Variants in MASP2 observed in about 807,000 individuals in gnomAD.
MASP2 encodes the protein MBL associated serine protease 2.
Under a neutral mutation model 57.1 loss-of-function variants are expected in MASP2, and 49 were observed. The observed-to-expected ratio is 0.86, with a 90% CI of 0.68 to 1.09. The LOEUF (loss-of-function observed/expected upper bound fraction) is 1.09. MASP2 is among the 50% of genes least tolerant of loss of function. The pLI, the probability that MASP2 is intolerant of heterozygous loss-of-function variation, is 0.00. For missense variants in MASP2, 900 were observed against 874.8 expected, an observed-to-expected ratio of 1.03 and a Z score of -0.36; for synonymous variants, 379 against 340.8, an observed-to-expected ratio of 1.11 and a Z score of -1.24.
Position 11,027,506 on chromosome 1 carries a change from T to TGG in MASP2, c.1439_1440insCC (p.Ala481GlnfsTer23). 1 of 1,614,190 alleles carries TGG rather than the reference T, an allele frequency of 6.2e-7. No homozygotes were observed. Among genetic ancestry groups the TGG allele is most frequent in the Non-Finnish European group, 8.5e-7 (1 of 1,180,042 alleles). On this transcript the variant is annotated frameshift_variant, in exon 11 of 11. Transcript: ENST00000400897. LOFTEE classifies it low-confidence loss of function (END_TRUNC). ...TTTGCTCATAGACGGCATGAGCAGC[T>TGG]GTTAGGACCCAGTTGTCATATAAAA... is the stretch of plus-strand genomic sequence containing the variant.
At position 11,027,475 on chromosome 1, in the gene MASP2, C is replaced by G. The variant is rs767456657; in HGVS notation, c.1471G>C (p.Asp491His). The change falls in exon 11 of 11, where the codon GAT becomes CAT. Residue 491 changes from aspartate to histidine, a missense_variant. Asp to His is a moderately conservative substitution (Grantham distance 81). Coordinates refer to ENST00000400897, the MANE Select transcript of MASP2 (RefSeq NM_006610.4). ...AAHAVYEQKH[D>H]ASALDIRMGT... ...ATTCGAATGTCCAGGGCGGATGCATCATGTTTTTGCTCATAGACGGCATGA... is the reference window on the plus strand; with the variant it reads ...ATTCGAATGTCCAGGGCGGATGCATGATGTTTTTGCTCATAGACGGCATGA... 3 of 1,614,122 alleles carry G rather than the reference C, an allele frequency of 1.9e-6. No individual in the cohort carries two copies. In the South Asian group the frequency reaches 3.3e-5, roughly 18 times the overall value.
Position 11,037,735 on chromosome 1 carries a change from G to T in MASP2, c.966C>A (p.Asp322Glu). 3 of 1,613,028 alleles carry T rather than the reference G, an allele frequency of 1.9e-6. No individual in the cohort carries two copies. Among genetic ancestry groups the T allele is most frequent in the Non-Finnish European group, 2.5e-6 (3 of 1,179,684 alleles). ...CAGTCTCGCAAAAGATGGAGAAGCTGTCTTTCAGGATGTATTTGGCTTGCA... is the reference window on the plus strand; with the variant it reads ...CAGTCTCGCAAAAGATGGAGAAGCTTTCTTTCAGGATGTATTTGGCTTGCA... Reference protein sequence around the residue: ...SPVQAKYILKDSFSIFCETGY... With the variant: ...SPVQAKYILKESFSIFCETGY... The change falls in exon 7 of 11, where the codon GAC (aspartate) becomes GAA (glutamate). Residue 322 changes from aspartate (D) to glutamate (E), a missense_variant. Asp to Glu is a conservative substitution (Grantham distance 45). Coordinates refer to ENST00000400897, the MANE Select transcript of MASP2 (RefSeq NM_006610.4).
Position 11,037,717 on chromosome 1 carries a change from G to T in MASP2, c.984C>A (p.Cys328Ter), listed in dbSNP as rs373719413. The T allele has an allele frequency of 8.7e-6, 14 of 1,610,670 alleles. No homozygotes were observed. Among genetic ancestry groups the T allele is most frequent in the Non-Finnish European group, 1.1e-5 (13 of 1,178,764 alleles). ...YILKDSFSIF[C>*]ETGYELLQGH... ...CTTGCAGAAGCTCATAGCCAGTCTC[G>T]CAAAAGATGGAGAAGCTGTCTTTCA... The change falls in exon 7 of 11, where the codon TGC (cysteine) becomes TGA (stop). Residue 328 changes from cysteine to a stop codon, truncating the protein, a stop_gained. Coordinates refer to ENST00000400897, the MANE Select transcript of MASP2 (RefSeq NM_006610.4). LOFTEE classifies it high-confidence loss of function.
At chr1:11,043,556 G>A (rs1479751317) in intron 4 of MASP2, 21 bp from the exon 5 acceptor site, 1 of 1,563,488 alleles carries the variant, frequency 6.4e-7, no homozygotes, top group Non-Finnish European at 8.7e-7. Flanking sequence ...GGAAGGCAGG[G>A]GAGTGACTTG....
intron 10 of MASP2, 26 bp from the exon 11 acceptor site, chr1:11,027,674 GAGCCTTTGTA>G (rs1347574612): frequency 6.4e-7 from 1 of 1,551,266 alleles, no homozygotes; most frequent in African/African-American, 1.4e-5. Flanking sequence ...GATAGGTAGA[GAGCCTTTGTA>G]AAAATGTCAA....
Position 11,027,242 on chromosome 1 carries a change from T to G in MASP2, c.1704A>C (p.Gly568=), listed in dbSNP as rs142224553. The change falls in exon 11 of 11, where the codon GGA becomes GGC. Residue 568 remains glycine, a synonymous_variant. Coordinates refer to ENST00000400897, the MANE Select transcript of MASP2 (RefSeq NM_006610.4). ...AESFMRTDDI[G]TASGWGLTQR... ...GGGTTAATCCCCATCCAGATGCAGT[T>G]CCAATGTCATCTGTCCTCATAAAGG... 5 of 1,614,226 alleles carry G rather than the reference T, an allele frequency of 3.1e-6. No homozygotes were observed. Among genetic ancestry groups the G allele is most frequent in the Non-Finnish European group, 4.2e-6 (5 of 1,180,046 alleles).
chr1:11,030,139 A>G, intron 10 of MASP2, 37 bp downstream of exon 10: 2 of 1,494,210 alleles, frequency 1.3e-6, no homozygotes, highest in Non-Finnish European at 1.9e-6. Flanking sequence ...CCTCCTTTCC[A>G]TCAATTACCA....
intron 8 of MASP2, among the ~76,000 whole-genome samples, chr1:11,034,243 GAA>G (rs59936951): frequency 0.084 from 5,516 of 65,742 alleles, 313 homozygotes; most frequent in African/African-American, 0.2. Flanking sequence ...ACCCTTCTCA[GAA>G]AAAAAAAAAA....
intron 4 of MASP2, 29 bp from the exon 5 acceptor site, chr1:11,043,564 T>C (rs774460559): frequency 2.6e-6 from 4 of 1,528,948 alleles, no homozygotes; most frequent in African/African-American, 2.7e-5. Context: ...GGGGAGTGAC[T>C]TGGCGTGCCC....
chr1:11,044,803 TG>T lies in MASP2; in HGVS notation c.544+604del, dbSNP rs753887147. The T allele has an allele frequency of 3.3e-5, 43 of 1,304,866 alleles. No individual in the cohort carries two copies. In the East Asian group the frequency reaches 1.3e-3, roughly 38 times the overall value. The allele number at this position is 1,304,866 out of a possible 1,614,324, so 80.8% of individuals were successfully genotyped here. On this transcript the variant is annotated intron_variant, in intron 4 of 10. Transcript: ENST00000400897. ...CAGAGACACGTGGCAGCAGGTGGGGTGGGGCCAGGTTTATTATTGGGTCCAT... is the reference window on the plus strand; with the variant it reads ...CAGAGACACGTGGCAGCAGGTGGGGTGGGCCAGGTTTATTATTGGGTCCAT...
intron 7 of MASP2, among the ~76,000 whole-genome samples, chr1:11,037,311 ACTC>A (rs1239077816): frequency 4.0e-5 from 6 of 151,554 alleles, no homozygotes; most frequent in African/African-American, 1.2e-4. Context: ...CTGGTCTTGA[ACTC>A]CTGGCCTCAA....
intron 7 of MASP2, among the ~76,000 whole-genome samples, chr1:11,036,674 A>G (rs1638248327): frequency 7.2e-6 from 1 of 139,396 alleles, no homozygotes; most frequent in Non-Finnish European, 1.5e-5. Flanking sequence ...TGTGGATTGC[A>G]TACCTAGCTA....
intron 6 of MASP2, among the ~76,000 whole-genome samples, chr1:11,041,388 A>ATGGATGGATGAG (rs1638428227): frequency 3.2e-5 from 4 of 125,350 alleles, no homozygotes; most frequent in African/African-American, 1.0e-4. Flanking sequence ...GGATGGATGG[A>ATGGATGGATGAG]TGGATGGATG....
chr1:11,030,090 T>C, intron 10 of MASP2, 86 bp downstream of exon 10: 1 of 932,804 alleles, frequency 1.1e-6, no homozygotes, highest in Non-Finnish European at 1.7e-6. Context: ...CATTTCTGCC[T>C]ACCACAGCTA....
At chr1:11,031,249 C>T (rs145141768) in intron 8 of MASP2, among the ~76,000 whole-genome samples, 1,959 of 151,102 alleles carry the variant, frequency 0.013, 58 homozygotes, top group Admixed American at 0.069. Flanking sequence ...TGCGGCCGGG[C>T]GCGATGGCTC....
intron 7 of MASP2, 99 bp downstream of exon 7, chr1:11,037,594 C>T: frequency 1.4e-6 from 1 of 725,596 alleles, no homozygotes; most frequent in South Asian, 2.2e-5. Flanking sequence ...CATGCTGACA[C>T]ACGATTTTCT....
At position 11,045,554 on chromosome 1, in the gene MASP2, G is replaced by C. The variant is rs1157367485; in HGVS notation, c.413-15C>G. 6.3e-7 allele frequency: 1 copy of C among 1,597,554 alleles called. No individual in the cohort carries two copies. Among genetic ancestry groups the C allele is most frequent in the Non-Finnish European group, 8.5e-7 (1 of 1,174,538 alleles). On this transcript the variant is annotated splice_polypyrimidine_tract_variant and intron_variant, in intron 3 of 10. Coordinates refer to ENST00000400897, the MANE Select transcript of MASP2 (RefSeq NM_006610.4). ...CTCGTCAATGTCTGGGGGAGAGGCA[G>C]GGCCAGGCAGGCCGTCAGGAGGGAA...
In MASP2 at chr1:11,042,861, A is replaced by T. The variant is rs1172048780; in HGVS notation, c.889+14T>A. 1.9e-6 allele frequency: 3 copies of T among 1,612,922 alleles called. No homozygotes were observed. Among genetic ancestry groups the T allele is most frequent in the Non-Finnish European group, 2.5e-6 (3 of 1,179,298 alleles). ...TCTGCGCTTCCAGCCAAGATCTGAG[A>T]CCCACTTGCTCACCTGTGCTCGTGT... On this transcript the variant is annotated intron_variant, in intron 6 of 10. Transcript: ENST00000400897.
chr1:11,026,856 T>G lies in MASP2; in HGVS notation c.*29A>C. Reference sequence around the variant, plus strand: ...AGGTCTTCACAGGCATTTCTAAAAATGAAGAATCCTTGACTGCAGACACGC... The same window carrying G: ...AGGTCTTCACAGGCATTTCTAAAAAGGAAGAATCCTTGACTGCAGACACGC... On this transcript the variant is annotated 3_prime_UTR_variant, in exon 11 of 11. Transcript: ENST00000400897. 6.9e-7 allele frequency: 1 copy of G among 1,454,556 alleles called. No individual in the cohort carries two copies. The highest frequency in any genetic ancestry group is 1.4e-5 in the African/African-American group (1 of 69,040). 90.1% of individuals were successfully genotyped at this position (1,454,556 alleles called of 1,614,324 possible).
Sources: allele counts gnomAD v4.1 joint callset (sites outside exome capture counted in the v4.1 genomes callset), GRCh38; gene constraint gnomAD v4.1.1; transcripts MANE v1.5; gene names NCBI Gene and HGNC (gene_info 2026-07-23, HGNC 2026-07-21).